The following LEKR1 variants were observed in gnomAD, a reference collection of about 807,000 sequenced individuals.
The protein encoded by LEKR1 is leucine, glutamate and lysine rich 1.
In LEKR1, 59 loss-of-function variants were observed where a neutral mutation model predicts 72.4. The observed-to-expected ratio is 0.82, with a 90% CI of 0.66 to 1.01. The LOEUF (loss-of-function observed/expected upper bound fraction) is 1.01, where lower values mean the gene tolerates loss of function less well. LEKR1 is among the 50% of genes least tolerant of loss of function. LEKR1 has a pLI of 0.00. For synonymous variants in LEKR1, 257 were observed against 263.2 expected (o/e 0.98, Z 0.23); for missense variants, 728 against 759.2 (o/e 0.96, Z 0.48).
intron 6 of LEKR1, among the ~76,000 whole-genome samples, chr3:156,970,720 A>G (rs1729094742): frequency 2.0e-5 from 3 of 152,280 alleles, no homozygotes; most frequent in African/African-American, 7.2e-5. Flanking sequence ...GCCAAATCAT[A>G]AGTGAACTCC....
intron 6 of LEKR1, among the ~76,000 whole-genome samples, chr3:156,947,258 C>T (rs961228553): frequency 2.0e-5 from 3 of 151,054 alleles, no homozygotes; most frequent in Non-Finnish European, 3.0e-5. Context: ...TCTTCTTGTA[C>T]TGCTTTTGCT....
chr3:156,895,602 C>T (rs1213267562), intron 3 of LEKR1, among the ~76,000 whole-genome samples: 2 of 151,802 alleles, frequency 1.3e-5, no homozygotes, highest in Non-Finnish European at 2.9e-5. Context: ...CAGAGGGAGA[C>T]CTTGTCTCAA....
intron 6 of LEKR1, among the ~76,000 whole-genome samples, chr3:156,949,408 C>G (rs557891738): frequency 6.6e-6 from 1 of 151,392 alleles, no homozygotes; most frequent in Non-Finnish European, 1.5e-5. Flanking sequence ...GCACCGTTTA[C>G]TGAATAGGGA....
At chr3:156,958,613 T>C (rs1398638883) in intron 6 of LEKR1, among the ~76,000 whole-genome samples, 3 of 152,130 alleles carry the variant, frequency 2.0e-5, no homozygotes, top group Non-Finnish European at 4.4e-5. Flanking sequence ...CCACAATAGA[T>C]GTTCCCATCT....
intron 3 of LEKR1, among the ~76,000 whole-genome samples, chr3:156,862,060 T>C (rs1716821197): frequency 6.6e-6 from 1 of 152,124 alleles, no homozygotes; most frequent in Non-Finnish European, 1.5e-5. Context: ...GTTAAAGAGA[T>C]TGATACTTAT....
chr3:156,914,052 T>C lies in LEKR1; in HGVS notation c.264-6523T>C, dbSNP rs537752861. ...TTTACTTACTTCACTGTGATGTGAC[T>C]TTTTAAAAACATAATCACAATATTA... On this transcript the variant is annotated intron_variant, in intron 3 of 12. Transcript: ENST00000356539. 8.3e-4 allele frequency among the ~76,000 whole-genome samples: 126 copies of C among 152,332 alleles called. 1 individual carries two copies. Among genetic ancestry groups the C allele is most frequent in the Admixed American group, 2.3e-3 (35 of 15,282 alleles).
chr3:156,892,070 A>G lies in LEKR1; in HGVS notation c.264-28505A>G, dbSNP rs199567333. On this transcript the variant is annotated intron_variant, in intron 3 of 12. Coordinates refer to ENST00000356539, the MANE Select transcript of LEKR1 (RefSeq NM_001004316.3). ...AAAAAAAAAAATCAGCAACAAGAAT[A>G]AATTGATCCAGAGTTGGACAGGGGT... Among the ~76,000 whole-genome samples, 7 of 152,294 alleles carry G rather than the reference A, an allele frequency of 4.6e-5. No homozygotes were observed. In the East Asian group the frequency reaches 1.2e-3, roughly 25 times the overall value.
intron 6 of LEKR1, among the ~76,000 whole-genome samples, chr3:156,957,767 A>C (rs1378206534): frequency 6.6e-6 from 1 of 151,868 alleles, no homozygotes. Flanking sequence ...AGCTATTTTT[A>C]TTTATTTATT....
At chr3:157,001,606 T>C (rs965644973) in intron 9 of LEKR1, among the ~76,000 whole-genome samples, 6 of 152,166 alleles carry the variant, frequency 3.9e-5, no homozygotes, top group Admixed American at 2.0e-4. Context: ...TAAGTCCTAA[T>C]TGTGGCAACT....
chr3:156,902,440 T>C (rs905461058), intron 3 of LEKR1, among the ~76,000 whole-genome samples: 1 of 147,292 alleles, frequency 6.8e-6, no homozygotes, highest in Non-Finnish European at 1.5e-5. Context: ...AATCAAAATA[T>C]GTTATGTTTT....
chr3:156,848,506 C>T (rs899425467), intron 2 of LEKR1, among the ~76,000 whole-genome samples: 2 of 152,048 alleles, frequency 1.3e-5, no homozygotes, highest in African/African-American at 2.4e-5. Context: ...ATTACTAGAT[C>T]CAGGAACCAT....
intron 9 of LEKR1, among the ~76,000 whole-genome samples, chr3:156,998,158 C>T (rs1026430098): frequency 1.3e-5 from 2 of 150,058 alleles, no homozygotes; most frequent in South Asian, 2.2e-4. Flanking sequence ...GTCTCGGTGG[C>T]CAAGGTCAGA....
chr3:156,849,089 C>T (rs1004000742), intron 2 of LEKR1, among the ~76,000 whole-genome samples: 9 of 152,064 alleles, frequency 5.9e-5, no homozygotes, highest in African/African-American at 9.7e-5. Flanking sequence ...GTGCAAAAAT[C>T]ACAAGCATTC....
At chr3:156,940,684 T>C (rs1315187118) in intron 5 of LEKR1, among the ~76,000 whole-genome samples, 1 of 152,198 alleles carries the variant, frequency 6.6e-6, no homozygotes, top group African/African-American at 2.4e-5. Flanking sequence ...CTTCTGTTAG[T>C]TTTGAAATCT....
intron 6 of LEKR1, among the ~76,000 whole-genome samples, chr3:156,971,522 G>A (rs1269941850): frequency 2.0e-5 from 3 of 152,118 alleles, no homozygotes; most frequent in Admixed American, 1.3e-4. Context: ...CTTCTGCACA[G>A]CAAAAGAAAC....
At chr3:156,844,459 T>C (rs897725631) in intron 2 of LEKR1, among the ~76,000 whole-genome samples, 3 of 152,134 alleles carry the variant, frequency 2.0e-5, no homozygotes. Context: ...CAGAACACTT[T>C]CATCACAACA....
intron 4 of LEKR1, among the ~76,000 whole-genome samples, chr3:156,922,332 A>G (rs1284460578): frequency 6.6e-6 from 1 of 152,052 alleles, no homozygotes; most frequent in African/African-American, 2.4e-5. Context: ...AGGCCATAAA[A>G]CTTAGTTGCT....
chr3:156,909,575 C>T (rs373772721), intron 3 of LEKR1, among the ~76,000 whole-genome samples: 1 of 147,832 alleles, frequency 6.8e-6, no homozygotes, highest in East Asian at 2.0e-4. Context: ...CGTTTGAACC[C>T]GGGAGGCAGA....
intron 9 of LEKR1, among the ~76,000 whole-genome samples, chr3:157,006,391 T>C (rs1451580873): frequency 1.3e-5 from 2 of 152,218 alleles, no homozygotes; most frequent in Admixed American, 6.5e-5. Context: ...TGAACTCTTA[T>C]AATCTACTGG....
Sources: gnomAD v4.1 joint callset for allele counts (sites outside exome capture counted in the v4.1 genomes callset) on GRCh38, gnomAD v4.1.1 for gene constraint, MANE v1.5 for transcripts, NCBI Gene and HGNC (gene_info 2026-07-23, HGNC 2026-07-21) for gene names.